ARHGAP32: variants seen among roughly 807,000 people sequenced by gnomAD.
The protein encoded by ARHGAP32 is Rho GTPase activating protein 32, also known as rho GTPase-activating protein 32.
ARHGAP32 carries 51 observed loss-of-function variants against 186.5 expected under a neutral mutation model. The observed-to-expected ratio is 0.27, with a 90% CI of 0.22 to 0.35. The LOEUF (loss-of-function observed/expected upper bound fraction) is 0.35. ARHGAP32 is among the 10% of genes least tolerant of loss of function. The pLI, the probability that ARHGAP32 is intolerant of heterozygous loss-of-function variation, is 1.00. For synonymous variants in ARHGAP32, 950 were observed against 964.3 expected, an observed-to-expected ratio of 0.99 and a Z score of 0.27; for missense variants, 2,186 against 2,623.5, an observed-to-expected ratio of 0.83 and a Z score of 3.64.
chr11:129,143,648 C>A (rs1943110528), intron 2 of ARHGAP32, among the ~76,000 whole-genome samples: 4 of 152,048 alleles, frequency 2.6e-5, no homozygotes, highest in African/African-American at 2.4e-5. Flanking sequence ...GTGATGCTGC[C>A]AACATGGATA....
chr11:129,234,551 A>G (rs902708151), intron 1 of ARHGAP32, among the ~76,000 whole-genome samples: 2 of 152,206 alleles, frequency 1.3e-5, no homozygotes, highest in African/African-American at 2.4e-5. Flanking sequence ...GTTAAAATAT[A>G]TCAATATAAT....
At chr11:129,262,230 T>C (rs1945330377) in intron 1 of ARHGAP32, among the ~76,000 whole-genome samples, 1 of 152,218 alleles carries the variant, frequency 6.6e-6, no homozygotes. Context: ...TCTCATGTTT[T>C]TTTAATTCCT....
At chr11:129,211,752 G>T (rs1257721752) in intron 1 of ARHGAP32, among the ~76,000 whole-genome samples, 1 of 152,086 alleles carries the variant, frequency 6.6e-6, no homozygotes, top group African/African-American at 2.4e-5. Context: ...TAATGATCAG[G>T]CATTTACATA....
At chr11:129,192,054 G>C in intron 1 of ARHGAP32, 29 bp downstream of exon 1, 2 of 1,546,430 alleles carry the variant, frequency 1.3e-6, no homozygotes, top group Non-Finnish European at 1.8e-6. Flanking sequence ...GAGTGGACAG[G>C]ACAAAGGAAC....
intron 1 of ARHGAP32, among the ~76,000 whole-genome samples, chr11:129,242,841 T>A (rs1345991207): frequency 6.6e-6 from 1 of 152,088 alleles, no homozygotes; most frequent in African/African-American, 2.4e-5. Flanking sequence ...ATTTTTTAAA[T>A]AATGAGCATA....
Position 128,972,530 on chromosome 11 carries a change from G to C in ARHGAP32, c.3976C>G (p.Gln1326Glu). 6.4e-7 allele frequency: 1 copy of C among 1,558,870 alleles called. No homozygotes were observed. The highest frequency in any genetic ancestry group is 8.7e-7 in the Non-Finnish European group (1 of 1,150,672). The change falls in exon 22 of 23, where the codon CAG (glutamine) becomes GAG (glutamate). Residue 1326 changes from glutamine (Q) to glutamate (E), a missense_variant. Physicochemically the swap from Gln to Glu is conservative, Grantham distance 29. Coordinates refer to ENST00000682385, the MANE Select transcript of ARHGAP32 (RefSeq NM_001378024.1). The stretch of plus-strand genomic sequence containing the variant: ...ACTGGTGGCTGCTCTGCAGATCTCT[G>C]GGAAGGCGGAGGGGGAAGGGGACGA... The part of the protein sequence containing the change: ...TNRPLPPPPS[Q>E]RSAEQPPVVG...
chr11:129,100,048 G>A (rs1941848488), intron 5 of ARHGAP32, among the ~76,000 whole-genome samples: 2 of 152,198 alleles, frequency 1.3e-5, no homozygotes, highest in South Asian at 4.1e-4. Flanking sequence ...GGCAGGCAGA[G>A]ACCCCCCTTT....
chr11:129,246,100 C>A (rs1945094007), intron 1 of ARHGAP32, among the ~76,000 whole-genome samples: 1 of 152,088 alleles, frequency 6.6e-6, no homozygotes, highest in Admixed American at 6.5e-5. Context: ...GGGAATAAAT[C>A]AATAAAATAC....
At chr11:129,088,126 T>C (rs1303373182) in intron 6 of ARHGAP32, among the ~76,000 whole-genome samples, 1 of 152,234 alleles carries the variant, frequency 6.6e-6, no homozygotes, top group Non-Finnish European at 1.5e-5. Context: ...ATCTTTTATA[T>C]ACATCTCCAT....
chr11:129,116,178 G>A (rs901276207), intron 5 of ARHGAP32, among the ~76,000 whole-genome samples: 1 of 151,948 alleles, frequency 6.6e-6, no homozygotes, highest in African/African-American at 2.4e-5. Context: ...TGTAGTTGTG[G>A]GAAGCCAACT....
Position 128,969,080 on chromosome 11 carries a change from A to T in ARHGAP32, c.6133T>A (p.Ser2045Thr). 2 of 1,609,846 alleles carry T rather than the reference A, an allele frequency of 1.2e-6. No homozygotes were observed. Among genetic ancestry groups the T allele is most frequent in the Non-Finnish European group, 1.7e-6 (2 of 1,177,184 alleles). Residue 2045 changes from serine to threonine, a missense_variant, in exon 23 of 23, where the codon TCC becomes ACC. Physicochemically the swap from Ser to Thr is moderately conservative, Grantham distance 58. This residue lies in a region of ARHGAP32 where 1,502 missense variants were observed against 1,570.0 expected (regional missense o/e 0.96). Coordinates refer to ENST00000682385, the MANE Select transcript of ARHGAP32 (RefSeq NM_001378024.1). This position sits in a 1 kb window ranked among gnomAD's most constrained non-coding sequence, Gnocchi z 4.8. ...ACTCCTCGCTGGTGCTGAGGCAGGG[A>T]GTGGTAATCTTCCAGGTTATCATAC... ...SQYDNLEDYH[S>T]LPQHQRGVFG... is the part of the protein sequence containing the mutation.
chr11:129,207,056 C>T (rs1449537993), intron 1 of ARHGAP32, among the ~76,000 whole-genome samples: 1 of 152,142 alleles, frequency 6.6e-6, no homozygotes, highest in African/African-American at 2.4e-5. Flanking sequence ...TTTCCAGCAT[C>T]ATCCATGTCC....
At chr11:129,173,070 G>C (rs1171438898) in intron 1 of ARHGAP32, among the ~76,000 whole-genome samples, 1 of 150,470 alleles carries the variant, frequency 6.6e-6, no homozygotes, top group East Asian at 1.9e-4. Context: ...AAAACCACTA[G>C]CTAGACTAAC....
chr11:129,096,582 A>T (rs1941735745), intron 5 of ARHGAP32, among the ~76,000 whole-genome samples: 1 of 138,966 alleles, frequency 7.2e-6, no homozygotes, highest in Non-Finnish European at 1.5e-5. Context: ...ATACTCCTGG[A>T]GCAGCATAAA....
intron 1 of ARHGAP32, among the ~76,000 whole-genome samples, chr11:129,173,033 AAAAC>A (rs56934368): frequency 0.083 from 12,562 of 150,502 alleles, 557 homozygotes; most frequent in Middle Eastern, 0.092. Flanking sequence ...TTTTTTTGAA[AAAAC>A]AAACAAACAA....
At chr11:129,008,685 C>T (rs1396649831) in intron 11 of ARHGAP32, among the ~76,000 whole-genome samples, 1 of 152,156 alleles carries the variant, frequency 6.6e-6, no homozygotes, top group African/African-American at 2.4e-5. Context: ...TTCTATACCA[C>T]CTGTTAAAAC....
At chr11:129,064,152 ACC>A in intron 8 of ARHGAP32, 128 bp from the exon 9 acceptor site, 7 of 713,544 alleles carry the variant, frequency 9.8e-6, no homozygotes, top group Non-Finnish European at 1.5e-5. Flanking sequence ...AAAAAAAACT[ACC>A]ATTTACTGGG....
At chr11:129,193,866 G>T (rs1294722277), upstream of ARHGAP32, among the ~76,000 whole-genome samples, 1 of 146,140 alleles carries the variant, frequency 6.8e-6, no homozygotes, top group African/African-American at 2.5e-5. Context: ...AAAAATATTT[G>T]AAACATATCA....
At chr11:129,048,351 G>A (rs1172323886) in intron 10 of ARHGAP32, among the ~76,000 whole-genome samples, 2 of 152,124 alleles carry the variant, frequency 1.3e-5, no homozygotes, top group East Asian at 1.9e-4. Context: ...AACACCAAAC[G>A]TCAGAGGTCT....
Sources: allele counts gnomAD v4.1 joint callset (sites outside exome capture counted in the v4.1 genomes callset), GRCh38; gene constraint gnomAD v4.1.1; regional missense constraint gnomAD v4.1.1; non-coding constraint Gnocchi (gnomAD v3.1); transcripts MANE v1.5; gene names NCBI Gene and HGNC (gene_info 2026-07-23, HGNC 2026-07-21).